SEMA3E: variants seen among roughly 807,000 people sequenced by gnomAD.
SEMA3E encodes semaphorin 3E, also known as semaphorin-3E.
Under a neutral mutation model 93.6 loss-of-function variants are expected in SEMA3E, and 49 were observed. The ratio of observed to expected loss-of-function variants is 0.52; its 90% CI spans 0.42 to 0.66. SEMA3E has a LOEUF of 0.66. Among genes scored for constraint, SEMA3E ranks in the 30% least tolerant of loss-of-function variants. SEMA3E has a pLI of 0.00. For synonymous variants in SEMA3E, 363 were observed against 330.7 expected (o/e 1.10, Z -1.06); for missense variants, 906 against 964.8 (o/e 0.94, Z 0.81).
At chr7:83,512,328 A>C (rs1276412557) in intron 1 of SEMA3E, among the ~76,000 whole-genome samples, 1 of 152,144 alleles carries the variant, frequency 6.6e-6, no homozygotes, top group Non-Finnish European at 1.5e-5. Context: ...CAAGCTAGCA[A>C]CCCCACGTAA....
rs867788263 is a variant in SEMA3E, at chr7:83,400,106, T to A, written c.1288A>T (p.Lys430Ter). The change falls in exon 11 of 17, where the codon AAA becomes TAA. Residue 430 changes from lysine (K) to a stop codon, truncating the protein, a stop_gained. Transcript: ENST00000643230. LOFTEE classifies it high-confidence loss of function. ...KKPILVKTDG[K>*]YNLKQIAVDR... ...ACTGCTATTTGTTTCAGGTTATATT[T>A]TCCATCTGTTTTTACCAATATTGGT... The A allele has an allele frequency of 6.8e-6, 11 of 1,614,088 alleles. No homozygotes were observed. The highest frequency in any genetic ancestry group is 8.5e-6 in the Non-Finnish European group (10 of 1,179,984).
chr7:83,429,231 C>T (rs1238807562), intron 4 of SEMA3E, among the ~76,000 whole-genome samples: 1 of 151,986 alleles, frequency 6.6e-6, no homozygotes, highest in Non-Finnish European at 1.5e-5. Flanking sequence ...TGTAAGTAAA[C>T]TCAATTGTCT....
At chr7:83,627,523 TC>T in intron 1 of SEMA3E, among the ~76,000 whole-genome samples, 1 of 152,276 alleles carries the variant, frequency 6.6e-6, no homozygotes, top group East Asian at 1.9e-4. Context: ...AGTTAGCTCT[TC>T]TTGTTGCATT....
At chr7:83,499,309 A>G (rs958710801) in intron 1 of SEMA3E, among the ~76,000 whole-genome samples, 5 of 152,202 alleles carry the variant, frequency 3.3e-5, no homozygotes, top group Non-Finnish European at 5.9e-5. Flanking sequence ...CTTTGCTTCC[A>G]TAGGGATTAT....
rs377101433 is a variant in SEMA3E at position 83,587,452 on chromosome 7, A to G, written c.115+60976T>C. Among the ~76,000 whole-genome samples the G allele has an allele frequency of 7.9e-5, 12 of 152,316 alleles. 1 individual carries two copies. The highest frequency in any genetic ancestry group is 6.5e-5 in the Admixed American group (1 of 15,284). On this transcript the variant is annotated intron_variant, in intron 1 of 16. Coordinates refer to ENST00000643230, the MANE Select transcript of SEMA3E (RefSeq NM_012431.3). ...AAGCATAAAAAAAGTTACGTGGATG[A>G]AAGTCTTCCACTTAGAAGTCATCAA...
intron 1 of SEMA3E, among the ~76,000 whole-genome samples, chr7:83,593,886 C>T (rs1264546282): frequency 6.6e-6 from 1 of 152,090 alleles, no homozygotes; most frequent in Non-Finnish European, 1.5e-5. Context: ...TACTGTGTAA[C>T]TGGAAGTTGG....
intron 2 of SEMA3E, 26 bp downstream of exon 2, chr7:83,490,088 T>G: frequency 6.2e-7 from 1 of 1,609,024 alleles, no homozygotes; most frequent in Non-Finnish European, 8.5e-7. Flanking sequence ...CTATCTCTAC[T>G]GAAATGCAGT....
chr7:83,474,944 T>A (rs900005947), intron 2 of SEMA3E, among the ~76,000 whole-genome samples: 6 of 151,776 alleles, frequency 4.0e-5, no homozygotes, highest in African/African-American at 1.5e-4. Context: ...CAAATGTATA[T>A]GCTAGAGCAT....
intron 1 of SEMA3E, among the ~76,000 whole-genome samples, chr7:83,608,606 A>G (rs1050840922): frequency 3.9e-5 from 6 of 152,118 alleles, no homozygotes; most frequent in Non-Finnish European, 8.8e-5. Flanking sequence ...CTCACTGTAT[A>G]TTACATTCCA....
chr7:83,541,820 A>C (rs1438858106), intron 1 of SEMA3E, among the ~76,000 whole-genome samples: 1 of 152,010 alleles, frequency 6.6e-6, no homozygotes, highest in Non-Finnish European at 1.5e-5. Flanking sequence ...CAGAATGATA[A>C]AGTGAGATTT....
intron 4 of SEMA3E, among the ~76,000 whole-genome samples, chr7:83,426,284 A>G (rs1047277027): frequency 6.6e-6 from 1 of 152,130 alleles, no homozygotes; most frequent in African/African-American, 2.4e-5. Flanking sequence ...TTGTATGTTC[A>G]TTGCAGCATT....
At chr7:83,456,324 T>C (rs1477812468) in intron 4 of SEMA3E, among the ~76,000 whole-genome samples, 1 of 152,146 alleles carries the variant, frequency 6.6e-6, no homozygotes, top group East Asian at 1.9e-4. Flanking sequence ...CATAAACTTG[T>C]AGTAGTTTAT....
At chr7:83,469,404 T>A in intron 2 of SEMA3E, 102 bp from the exon 3 acceptor site, 1 of 756,846 alleles carries the variant, frequency 1.3e-6, no homozygotes, top group South Asian at 1.7e-5. Context: ...TTTCCTTTTT[T>A]TTTTTTTTCT....
At chr7:83,475,689 A>G (rs1435549942) in intron 2 of SEMA3E, among the ~76,000 whole-genome samples, 1 of 152,120 alleles carries the variant, frequency 6.6e-6, no homozygotes, top group Non-Finnish European at 1.5e-5. Context: ...CTGACCCAAG[A>G]GTCTAATGTT....
At chr7:83,511,896 AAAAT>A (rs1562813601) in intron 1 of SEMA3E, among the ~76,000 whole-genome samples, 1 of 152,132 alleles carries the variant, frequency 6.6e-6, no homozygotes, top group Non-Finnish European at 1.5e-5. Context: ...ACTGCGTCTC[AAAAT>A]AAATAAGTAA....
chr7:83,416,526 G>C (rs1157484439), intron 5 of SEMA3E, among the ~76,000 whole-genome samples: 1 of 152,008 alleles, frequency 6.6e-6, no homozygotes, highest in East Asian at 1.9e-4. Flanking sequence ...AAAATAATTT[G>C]CCTTCTAATA....
intron 1 of SEMA3E, among the ~76,000 whole-genome samples, chr7:83,638,362 A>C (rs2115698950): frequency 6.6e-6 from 1 of 152,310 alleles, no homozygotes; most frequent in Non-Finnish European, 1.5e-5. Flanking sequence ...AGCGACATCT[A>C]ATTTCATTTC....
At chr7:83,583,162 T>C (rs1792547612) in intron 1 of SEMA3E, among the ~76,000 whole-genome samples, 1 of 152,196 alleles carries the variant, frequency 6.6e-6, no homozygotes, top group Admixed American at 6.6e-5. Context: ...AGGTCTAACA[T>C]CTTTCTAAGA....
chr7:83,589,962 G>A (rs1353440236), intron 1 of SEMA3E, among the ~76,000 whole-genome samples: 1 of 152,146 alleles, frequency 6.6e-6, no homozygotes, highest in South Asian at 2.1e-4. Context: ...CACACCTTGA[G>A]AAATGGCTTC....
Sources: gnomAD v4.1 joint callset for allele counts (sites outside exome capture counted in the v4.1 genomes callset) on GRCh38, gnomAD v4.1.1 for gene constraint, MANE v1.5 for transcripts, NCBI Gene and HGNC (gene_info 2026-07-23, HGNC 2026-07-21) for gene names.